CATSPERG: variants seen among roughly 807,000 people sequenced by gnomAD.
The protein encoded by CATSPERG is cation channel sperm-associated auxiliary subunit gamma.
A neutral mutation model predicts 145.0 loss-of-function variants in CATSPERG; 115 were observed. That is an observed-to-expected ratio of 0.79 (90% CI 0.68 to 0.93). The LOEUF is 0.93. CATSPERG is among the 40% of genes least tolerant of loss of function. The probability of loss-of-function intolerance (pLI) is 0.00; values close to 1 mark genes in which losing one functional copy is unlikely to be tolerated. For missense variants in CATSPERG, 1,296 were observed against 1,490.1 expected (o/e 0.87, Z 2.14); for synonymous variants, 588 against 589.0 (o/e 1.00, Z 0.02).
intron 6 of CATSPERG, among the ~76,000 whole-genome samples, chr19:38,345,498 C>T (rs1970026221): frequency 6.6e-6 from 1 of 150,590 alleles, no homozygotes. Flanking sequence ...CGGCCCATGC[C>T]CATATTCAAT....
In CATSPERG at chr19:38,346,704, A is replaced by G. The variant is rs909672172; in HGVS notation, c.825+99A>G. On this transcript the variant is annotated intron_variant, in intron 7 of 28. Coordinates refer to ENST00000409235, the MANE Select transcript of CATSPERG (RefSeq NM_021185.5). Reference sequence around the variant, plus strand: ...GGGCCTGGGGCTCTAGAAGTCCCCAAAGACATATCTGTCCCCATGAGAGGC... The same window carrying G: ...GGGCCTGGGGCTCTAGAAGTCCCCAGAGACATATCTGTCCCCATGAGAGGC... 44 of 1,120,950 alleles carry G rather than the reference A, an allele frequency of 3.9e-5. No homozygotes were observed. The East Asian group carries it at 1.1e-3, about 28-fold the overall frequency. 69.4% of individuals were successfully genotyped at this position (1,120,950 alleles called of 1,614,324 possible). A position where few individuals can be genotyped will look rare whatever the true frequency, so the allele number is the denominator to read the frequency against.
rs144906912 is a variant in CATSPERG at position 38,350,402 on chromosome 19, A to C, written c.826-1859A>C. On this transcript the variant is annotated intron_variant, in intron 7 of 28. Transcript: ENST00000409235. ...TTTGTTTGCTTGCTTTTTGAGACGG[A>C]GTTTCGCTCTTGTCACCCAGGCTGG... Among the ~76,000 whole-genome samples, 6 of 151,988 alleles carry C rather than the reference A, an allele frequency of 3.9e-5. No homozygotes were observed. In the East Asian group the frequency reaches 9.7e-4, roughly 25 times the overall value.
At chr19:38,345,187 A>T (rs1970019929) in intron 6 of CATSPERG, among the ~76,000 whole-genome samples, 1 of 150,640 alleles carries the variant, frequency 6.6e-6, no homozygotes, top group African/African-American at 2.4e-5. Context: ...TCCACCTCCC[A>T]GGTTCAAGCA....
At chr19:38,360,170 C>G (rs369679763) in intron 14 of CATSPERG, 1 of 985,180 alleles carries the variant, frequency 1.0e-6, no homozygotes, top group Non-Finnish European at 1.2e-6. Context: ...AAAGAGGTCT[C>G]GGCTCTAGGA....
intron 11 of CATSPERG, among the ~76,000 whole-genome samples, chr19:38,357,722 C>T (rs976062145): frequency 7.2e-5 from 11 of 152,066 alleles, no homozygotes; most frequent in Non-Finnish European, 1.6e-4. Context: ...GAGGCCGAGG[C>T]GGGGGGATCA....
intron 3 of CATSPERG, 70 bp from the exon 4 acceptor site, chr19:38,343,510 G>A: frequency 7.3e-7 from 1 of 1,377,494 alleles, no homozygotes. Flanking sequence ...GACTGTTAGA[G>A]GCGGGCTTAA....
At chr19:38,343,301 T>A (rs1430549216) in intron 3 of CATSPERG, among the ~76,000 whole-genome samples, 1 of 152,012 alleles carries the variant, frequency 6.6e-6, no homozygotes, top group African/African-American at 2.4e-5. Flanking sequence ...CCCTATGTAT[T>A]CCCTACATGC....
intron 17 of CATSPERG, 90 bp downstream of exon 17, chr19:38,361,951 C>A: frequency 4.5e-6 from 3 of 667,544 alleles, no homozygotes; most frequent in African/African-American, 2.2e-5. Context: ...GAGCGGAGCG[C>A]AGCGGGATTG....
chr19:38,336,688 G>A (rs954761703), intron 1 of CATSPERG: 1 of 240,246 alleles, frequency 4.2e-6, no homozygotes, highest in South Asian at 4.5e-5. Flanking sequence ...ACACGGGTGC[G>A]ATCGCAGGCA....
At chr19:38,343,521 G>C in intron 3 of CATSPERG, 59 bp from the exon 4 acceptor site, 2 of 1,469,802 alleles carry the variant, frequency 1.4e-6, no homozygotes, top group Non-Finnish European at 1.8e-6. Context: ...GCGGGCTTAA[G>C]GCAGGGGGCA....
At chr19:38,354,664 C>T (rs568055037) in intron 8 of CATSPERG, 46 bp from the exon 9 acceptor site, 2 of 1,604,452 alleles carry the variant, frequency 1.2e-6, no homozygotes, top group African/African-American at 1.3e-5. Context: ...GGCAGAGGCC[C>T]CAGATCCAAC....
intron 23 of CATSPERG, 92 bp from the exon 24 acceptor site, chr19:38,367,417 C>T: frequency 6.4e-7 from 1 of 1,555,988 alleles, no homozygotes; most frequent in Admixed American, 1.8e-5. Flanking sequence ...CACCCTTTTT[C>T]CTGCGGCATC....
chr19:38,361,992 G>C (rs568773471), intron 17 of CATSPERG, 131 bp downstream of exon 17: 1 of 347,388 alleles, frequency 2.9e-6, no homozygotes, highest in Non-Finnish European at 5.6e-6. Context: ...GTGGGCGGGG[G>C]ACCTGGGGGC....
chr19:38,367,302 C>T lies in CATSPERG; in HGVS notation c.2760C>T (p.Leu920=), dbSNP rs759558117. Residue 920 remains leucine, a synonymous_variant, in exon 23 of 29, where the codon CTC becomes CTT. Coordinates refer to ENST00000409235, the MANE Select transcript of CATSPERG (RefSeq NM_021185.5). ...VNVNPEMPCF[L]FRDIFYPFFL... ...TGAACCCGGAGATGCCCTGCTTTCT[C>T]TTCCGGGACAGTGTGTGTCCAGTCC... 1 of 1,611,832 alleles carries T rather than the reference C, an allele frequency of 6.2e-7. No homozygotes were observed. The highest frequency in any genetic ancestry group is 8.5e-7 in the Non-Finnish European group (1 of 1,179,598).
rs376513641 is a variant in CATSPERG at position 38,354,844 on chromosome 19, A to G, written c.1132A>G (p.Arg378Gly). Residue 378 changes from arginine to glycine, a missense_variant, in exon 9 of 29, where the codon AGA becomes GGA. Transcript: ENST00000409235. ...HEGYVHFGTIRDGQVSFEMLP... is the reference protein window; with the variant it reads ...HEGYVHFGTIGDGQVSFEMLP... ...GGGTTATGTACACTTCGGGACCATC[A>G]GAGGTAAGGGTGTGGGCCTCTGTCA... is the stretch of plus-strand genomic sequence containing the variant. 1.2e-6 allele frequency: 2 copies of G among 1,613,800 alleles called. No homozygotes were observed. Among genetic ancestry groups the G allele is most frequent in the African/African-American group, 1.3e-5 (1 of 74,908 alleles).
At chr19:38,369,882 T>C (rs775048734) in intron 26 of CATSPERG, 90 bp from the exon 27 acceptor site, 14 of 1,193,562 alleles carry the variant, frequency 1.2e-5, no homozygotes, top group Non-Finnish European at 1.8e-5. Context: ...CATTTGGTCC[T>C]CACCGAAAAC....
rs775657347 is a variant in CATSPERG, at chr19:38,354,756, C to T, written c.1044C>T (p.Cys348=). 26 of 1,614,062 alleles carry T rather than the reference C, an allele frequency of 1.6e-5. No homozygotes were observed. The highest frequency in any genetic ancestry group is 2.1e-5 in the Non-Finnish European group (25 of 1,180,024). The part of the protein sequence containing the change: ...VLASECIKKL[C]PVYFHSNGSE... The stretch of plus-strand genomic sequence containing the variant: ...CCAGCGAGTGCATCAAGAAGCTGTG[C>T]CCTGTGTATTTCCATAGCAATGGCT... The change falls in exon 9 of 29, where the codon TGC becomes TGT. Residue 348 remains cysteine (C), a synonymous_variant. Coordinates refer to ENST00000409235, the MANE Select transcript of CATSPERG (RefSeq NM_021185.5).
In CATSPERG at chr19:38,343,640, A is replaced by G. The variant is rs1600446979; in HGVS notation, c.385A>G (p.Thr129Ala). The change falls in exon 4 of 29, where the codon ACC (threonine) becomes GCC (alanine). Residue 129 changes from threonine (T) to alanine (A), a missense_variant. Transcript: ENST00000409235. ...GGGGCTAAAGCCCCTGGTGCTGGTC[A>G]CCTTCCAGTCCCCAGTCAACTTCTA... ...LTGLKPLVLV[T>A]FQSPVNFYRW... 6.4e-7 allele frequency: 1 copy of G among 1,551,366 alleles called. No individual in the cohort carries two copies. The highest frequency in any genetic ancestry group is 2.0e-5 in the Admixed American group (1 of 50,980).
chr19:38,364,633 T>C (rs1358213657), intron 20 of CATSPERG, among the ~76,000 whole-genome samples: 3 of 152,208 alleles, frequency 2.0e-5, no homozygotes, highest in Non-Finnish European at 2.9e-5. Flanking sequence ...CTGGACACCA[T>C]TGAGCACTGA....
Sources: allele counts gnomAD v4.1 joint callset (sites outside exome capture counted in the v4.1 genomes callset), GRCh38; gene constraint gnomAD v4.1.1; transcripts MANE v1.5; gene names NCBI Gene and HGNC (gene_info 2026-07-23, HGNC 2026-07-21).